The following CSMD3 variants were observed in gnomAD, a reference collection of about 807,000 sequenced individuals.
The protein encoded by CSMD3 is CUB and Sushi multiple domains 3, also known as CUB and sushi domain-containing protein 3.
CSMD3 carries 177 observed loss-of-function variants against 435.2 expected under a neutral mutation model. The observed-to-expected ratio is 0.41, with a 90% CI of 0.36 to 0.46. The LOEUF is 0.46. CSMD3 is among the 20% of genes least tolerant of loss of function. The probability of loss-of-function intolerance (pLI) is 0.34; values close to 1 mark genes in which losing one functional copy is unlikely to be tolerated. For synonymous variants in CSMD3, 1,656 were observed against 1,520.5 expected, an observed-to-expected ratio of 1.09 and a Z score of -2.07; for missense variants, 4,265 against 4,504.6, an observed-to-expected ratio of 0.95 and a Z score of 1.52.
At chr8:112,473,451 C>A (rs893358302) in intron 31 of CSMD3, among the ~76,000 whole-genome samples, 2 of 152,038 alleles carry the variant, frequency 1.3e-5, no homozygotes, top group African/African-American at 4.8e-5. Flanking sequence ...CGAATAAGAT[C>A]ACTCTGAAAA....
rs529719048 is a variant in CSMD3, at chr8:112,459,234, C to T, written c.5395+13357G>A. On this transcript the variant is annotated intron_variant, in intron 32 of 70. Transcript: ENST00000297405. ...TCAGCATACTGCAGTTTTCACTCATCTCCCTAATCTAAATTTGATCCTCCT... is the reference window on the plus strand; with the variant it reads ...TCAGCATACTGCAGTTTTCACTCATTTCCCTAATCTAAATTTGATCCTCCT... Among the ~76,000 whole-genome samples, 4 of 152,088 alleles carry T rather than the reference C, an allele frequency of 2.6e-5. No homozygotes were observed. The South Asian group carries it at 8.3e-4, about 32-fold the overall frequency.
rs11987464 is a variant in CSMD3, at chr8:113,088,046, C to A, written c.917+10710G>T. ...CAAACAACCCCATCAAAAAGTGGGC[C>A]AAGGACATGAACAGACACTTCTCAA... is the stretch of plus-strand genomic sequence containing the variant. On this transcript the variant is annotated intron_variant, in intron 5 of 70. Coordinates refer to ENST00000297405, the MANE Select transcript of CSMD3 (RefSeq NM_198123.2). Among the ~76,000 whole-genome samples, 32 of 144,114 alleles carry A rather than the reference C, an allele frequency of 2.2e-4. 1 individual carries two copies. In the South Asian group the frequency reaches 3.9e-3, roughly 17 times the overall value. 94.5% of individuals were successfully genotyped at this position (144,114 alleles called of 152,430 possible).
intron 1 of CSMD3, among the ~76,000 whole-genome samples, chr8:113,402,020 A>G (rs1421962661): frequency 6.6e-6 from 1 of 151,530 alleles, no homozygotes; most frequent in African/African-American, 2.4e-5. Context: ...CCATCTTTAA[A>G]TGGTGCATGA....
At chr8:113,250,003 G>T (rs185508901) in intron 3 of CSMD3, among the ~76,000 whole-genome samples, 137 of 152,144 alleles carry the variant, frequency 9.0e-4, no homozygotes, top group Middle Eastern at 6.8e-3. Flanking sequence ...AACATAGAAA[G>T]TTGCTTATTC....
At chr8:112,566,062 C>A (rs1162674395) in intron 24 of CSMD3, among the ~76,000 whole-genome samples, 1 of 147,016 alleles carries the variant, frequency 6.8e-6, no homozygotes. Flanking sequence ...TTTACTCTTA[C>A]CTGGACAGTT....
intron 1 of CSMD3, among the ~76,000 whole-genome samples, chr8:113,408,876 G>T (rs1006423805): frequency 2.0e-5 from 3 of 151,934 alleles, no homozygotes; most frequent in Non-Finnish European, 4.4e-5. Flanking sequence ...TGTTGACCAG[G>T]CTGCTCTCGA....
chr8:112,624,148 T>C (rs1028511101), intron 22 of CSMD3, among the ~76,000 whole-genome samples: 1 of 152,152 alleles, frequency 6.6e-6, no homozygotes, highest in Admixed American at 6.6e-5. Context: ...CAACATATTA[T>C]GATATTCACT....
intron 43 of CSMD3, 35 bp downstream of exon 43, chr8:112,337,508 A>T (rs559935897): frequency 1.9e-6 from 3 of 1,540,558 alleles, no homozygotes; most frequent in Non-Finnish European, 1.8e-6. Context: ...AACAGATGAC[A>T]TCACCTAAAA....
At position 113,209,473 on chromosome 8, in the gene CSMD3, G is replaced by A. The variant is rs1037634723; in HGVS notation, c.515-35557C>T. 7.2e-5 allele frequency among the ~76,000 whole-genome samples: 11 copies of A among 152,158 alleles called. 1 individual carries two copies. Among genetic ancestry groups the A allele is most frequent in the Admixed American group, 4.6e-4 (7 of 15,264 alleles). ...GTGCCGTGCTAAAGAAAAACACCTC[G>A]CCTAGTCTTAGGGATTCAAGGAAGT... On this transcript the variant is annotated intron_variant, in intron 3 of 70. Coordinates refer to ENST00000297405, the MANE Select transcript of CSMD3 (RefSeq NM_198123.2).
intron 3 of CSMD3, among the ~76,000 whole-genome samples, chr8:113,239,786 T>C (rs911669630): frequency 3.3e-5 from 5 of 152,124 alleles, no homozygotes; most frequent in African/African-American, 7.2e-5. Flanking sequence ...AAAAACAATA[T>C]TGGAGAGAAA....
chr8:112,823,251 A>G (rs945590962), intron 12 of CSMD3, among the ~76,000 whole-genome samples: 3 of 152,168 alleles, frequency 2.0e-5, no homozygotes, highest in Non-Finnish European at 4.4e-5. Flanking sequence ...TTGGCTGTGA[A>G]TCCATCTGGT....
intron 51 of CSMD3, among the ~76,000 whole-genome samples, chr8:112,305,784 T>C (rs1331988456): frequency 6.6e-6 from 1 of 152,152 alleles, no homozygotes; most frequent in East Asian, 1.9e-4. Flanking sequence ...TAAAAGTGCC[T>C]TTTTTGACAT....
In CSMD3 at chr8:112,845,599, T is replaced by C. The variant is rs138647776; in HGVS notation, c.1755+13546A>G. Among the ~76,000 whole-genome samples the C allele has an allele frequency of 9.7e-3, 1,470 of 152,166 alleles. 17 individuals carry two copies. Among genetic ancestry groups the C allele is most frequent in the Middle Eastern group, 0.017 (5 of 294 alleles). ...GTAGTTTAGGTTGCCCATGGCTTCC[T>C]CTATAAAGCTATGCAGAACCATTTA... On this transcript the variant is annotated intron_variant, in intron 11 of 70. Transcript: ENST00000297405.
At chr8:112,596,775 A>G (rs1383023608) in intron 22 of CSMD3, among the ~76,000 whole-genome samples, 4 of 152,220 alleles carry the variant, frequency 2.6e-5, no homozygotes, top group Non-Finnish European at 4.4e-5. Flanking sequence ...TACTGGATAC[A>G]TAATGAAATG....
intron 59 of CSMD3, among the ~76,000 whole-genome samples, chr8:112,272,429 G>C (rs1453546310): frequency 2.0e-5 from 3 of 151,978 alleles, no homozygotes; most frequent in Non-Finnish European, 4.4e-5. Context: ...TGGGCATATA[G>C]TAACCATAAA....
chr8:113,193,679 T>C (rs910331725), intron 3 of CSMD3, among the ~76,000 whole-genome samples: 17 of 151,410 alleles, frequency 1.1e-4, no homozygotes, highest in Non-Finnish European at 3.0e-5. Context: ...AACACAAAAT[T>C]CCACATCTAT....
chr8:112,763,178 TA>T (rs555853221), intron 13 of CSMD3, among the ~76,000 whole-genome samples: 4 of 151,654 alleles, frequency 2.6e-5, no homozygotes, highest in African/African-American at 9.6e-5. Context: ...TTTGTCAAGT[TA>T]AAAAAATAAA....
intron 16 of CSMD3, among the ~76,000 whole-genome samples, chr8:112,675,090 G>A (rs1322279045): frequency 2.0e-5 from 3 of 152,054 alleles, no homozygotes; most frequent in African/African-American, 4.8e-5. Flanking sequence ...TTTTCAAGAA[G>A]AGGAATATAG....
At chr8:113,085,467 T>C (rs2089728985) in intron 5 of CSMD3, among the ~76,000 whole-genome samples, 1 of 152,178 alleles carries the variant, frequency 6.6e-6, no homozygotes, top group Non-Finnish European at 1.5e-5. Context: ...ATCAAACAGA[T>C]ATCTGCATCT....
Sources: gnomAD v4.1 joint callset for allele counts (sites outside exome capture counted in the v4.1 genomes callset) on GRCh38, gnomAD v4.1.1 for gene constraint, MANE v1.5 for transcripts, NCBI Gene and HGNC (gene_info 2026-07-23, HGNC 2026-07-21) for gene names.